The following ADAMTS9 variants were observed in gnomAD, a reference collection of about 807,000 sequenced individuals.
ADAMTS9 encodes A disintegrin and metalloproteinase with thrombospondin motifs 9.
Under a neutral mutation model 257.1 loss-of-function variants are expected in ADAMTS9, and 107 were observed. That is an observed-to-expected ratio of 0.42 (90% CI 0.36 to 0.49). The LOEUF (loss-of-function observed/expected upper bound fraction) is 0.49. ADAMTS9 is among the 20% of genes least tolerant of loss of function. The probability of loss-of-function intolerance (pLI) is 0.03; values close to 1 mark genes in which losing one functional copy is unlikely to be tolerated. For missense variants in ADAMTS9, 2,353 were observed against 2,469.1 expected (o/e 0.95, Z 1.00); for synonymous variants, 982 against 880.9 (o/e 1.11, Z -2.03).
chr3:64,519,896 T>C (rs1305230558), intron 39 of ADAMTS9, among the ~76,000 whole-genome samples: 3 of 152,030 alleles, frequency 2.0e-5, no homozygotes, highest in Non-Finnish European at 4.4e-5. Flanking sequence ...GACAAGAATG[T>C]GTACTCTCAC....
At chr3:64,574,559 C>CAAA (rs34194727) in intron 28 of ADAMTS9, among the ~76,000 whole-genome samples, 4,920 of 80,688 alleles carry the variant, frequency 0.061, 528 homozygotes, top group African/African-American at 0.18. Context: ...CCCATCTCTA[C>CAAA]AAAAAAAAAA....
intron 12 of ADAMTS9, among the ~76,000 whole-genome samples, chr3:64,640,029 T>C (rs1477148854): frequency 6.6e-6 from 1 of 152,188 alleles, no homozygotes; most frequent in Admixed American, 6.5e-5. Context: ...TGTGTCTGAA[T>C]TTTTTGAAGC....
Position 64,580,813 on chromosome 3 carries a change from G to C in ADAMTS9, c.4357-12278C>G, listed in dbSNP as rs184152766. Among the ~76,000 whole-genome samples the C allele has an allele frequency of 2.1e-3, 316 of 152,296 alleles. 3 individuals are homozygous for C. Among genetic ancestry groups the C allele is most frequent in the Middle Eastern group, 6.8e-3 (2 of 294 alleles). Reference sequence around the variant, plus strand: ...TTCAGATTCCAAGGACCCAGTCCCAGGGACTTTTATAAAGCAAAAGAGGGC... The same window carrying C: ...TTCAGATTCCAAGGACCCAGTCCCACGGACTTTTATAAAGCAAAAGAGGGC... On this transcript the variant is annotated intron_variant, in intron 28 of 39. Coordinates refer to ENST00000498707, the MANE Select transcript of ADAMTS9 (RefSeq NM_182920.2).
chr3:64,635,557 C>CAGATTCAT (rs1700475721), intron 12 of ADAMTS9, among the ~76,000 whole-genome samples: 1 of 152,162 alleles, frequency 6.6e-6, no homozygotes, highest in Non-Finnish European at 1.5e-5. Context: ...TTCATTCAAA[C>CAGATTCAT]TGGGAAATCT....
chr3:64,637,649 G>C (rs963604123), intron 12 of ADAMTS9, among the ~76,000 whole-genome samples: 1 of 152,210 alleles, frequency 6.6e-6, no homozygotes, highest in Non-Finnish European at 1.5e-5. Context: ...CGATGAATTA[G>C]GGTAGTCAGA....
chr3:64,520,686 T>A (rs1033025934), intron 39 of ADAMTS9, among the ~76,000 whole-genome samples: 4 of 151,712 alleles, frequency 2.6e-5, no homozygotes, highest in Non-Finnish European at 5.9e-5. Context: ...TCAACAAAAA[T>A]AAACAATGGG....
chr3:64,526,806 C>T (rs1271308220), intron 38 of ADAMTS9, among the ~76,000 whole-genome samples: 1 of 152,116 alleles, frequency 6.6e-6, no homozygotes, highest in Non-Finnish European at 1.5e-5. Context: ...GGAGATAATG[C>T]ATGTAATGTG....
At chr3:64,641,403 C>T (rs918953179) in intron 12 of ADAMTS9, among the ~76,000 whole-genome samples, 8 of 151,342 alleles carry the variant, frequency 5.3e-5, no homozygotes, top group Non-Finnish European at 1.2e-4. Context: ...ATGTGCCATG[C>T]TGGTGTGCTG....
At chr3:64,558,124 T>C (rs954393796) in intron 30 of ADAMTS9, among the ~76,000 whole-genome samples, 1 of 152,226 alleles carries the variant, frequency 6.6e-6, no homozygotes, top group African/African-American at 2.4e-5. Context: ...AACTCTCCAG[T>C]AAGAGGCTTG....
chr3:64,516,302 T>C lies in ADAMTS9; in HGVS notation c.*825A>G, dbSNP rs2082774106. On this transcript the variant is annotated 3_prime_UTR_variant, in exon 40 of 40. Transcript: ENST00000498707. ...ATGAAGCTGCTTGGGGGATCCTCCATTTGATTGTGGAGAGACCAAGGCACC... is the reference window on the plus strand; with the variant it reads ...ATGAAGCTGCTTGGGGGATCCTCCACTTGATTGTGGAGAGACCAAGGCACC... 1 of 152,656 alleles carries C rather than the reference T, an allele frequency of 6.6e-6. No homozygotes were observed. Among genetic ancestry groups the C allele is most frequent in the African/African-American group, 2.4e-5 (1 of 41,552 alleles). 9.5% of individuals were successfully genotyped at this position (152,656 alleles called of 1,614,324 possible). A position where few individuals can be genotyped will look rare whatever the true frequency, so the allele number is the denominator to read the frequency against.
At chr3:64,534,220 A>T (rs1316445080) in intron 37 of ADAMTS9, among the ~76,000 whole-genome samples, 1 of 152,108 alleles carries the variant, frequency 6.6e-6, no homozygotes, top group Non-Finnish European at 1.5e-5. Context: ...TGTAAGAAAA[A>T]TTCTTTCACC....
chr3:64,663,663 G>C (rs1344703133), intron 3 of ADAMTS9, among the ~76,000 whole-genome samples: 1 of 152,104 alleles, frequency 6.6e-6, no homozygotes, highest in African/African-American at 2.4e-5. Flanking sequence ...TCATGTAATT[G>C]TAATATTTCT....
intron 32 of ADAMTS9, among the ~76,000 whole-genome samples, chr3:64,542,976 C>G (rs1437793000): frequency 1.3e-5 from 2 of 152,096 alleles, no homozygotes; most frequent in African/African-American, 4.8e-5. Flanking sequence ...CATCAGAGAA[C>G]ACTATAAACA....
chr3:64,583,976 C>T (rs551766298), intron 28 of ADAMTS9: 2 of 152,162 alleles, frequency 1.3e-5, no homozygotes, highest in Admixed American at 6.6e-5. Context: ...AACTTCCTCC[C>T]TGACATTATG....
chr3:64,648,127 A>T (rs549424760), intron 10 of ADAMTS9, 83 bp from the exon 11 acceptor site: 1 of 1,214,620 alleles, frequency 8.2e-7, no homozygotes, highest in African/African-American at 1.5e-5. Flanking sequence ...CTTTCAACTA[A>T]TGTTTCACCA....
At chr3:64,604,469 T>TG (rs2084523713) in intron 23 of ADAMTS9, 138 bp from the exon 24 acceptor site, 3 of 587,568 alleles carry the variant, frequency 5.1e-6, no homozygotes, top group Non-Finnish European at 8.6e-6. Flanking sequence ...GCAAGTCACA[T>TG]GACATCTCTC....
At chr3:64,579,681 A>T (rs1156674112) in intron 28 of ADAMTS9, among the ~76,000 whole-genome samples, 2 of 152,240 alleles carry the variant, frequency 1.3e-5, no homozygotes, top group Non-Finnish European at 2.9e-5. Flanking sequence ...AAACAAGTGA[A>T]TAAATAATAT....
At chr3:64,574,648 G>C (rs1007705058) in intron 28 of ADAMTS9, among the ~76,000 whole-genome samples, 1 of 151,390 alleles carries the variant, frequency 6.6e-6, no homozygotes, top group Non-Finnish European at 1.5e-5. Context: ...TAGGAGCATT[G>C]ATTGAGCCTA....
At chr3:64,650,219 ATC>A (rs1490699477) in intron 9 of ADAMTS9, 1 of 153,488 alleles carries the variant, frequency 6.5e-6, no homozygotes, top group African/African-American at 2.4e-5. Context: ...ACCTTACACC[ATC>A]TGGTTAAAAA....
Sources: gnomAD v4.1 joint callset for allele counts (sites outside exome capture counted in the v4.1 genomes callset) on GRCh38, gnomAD v4.1.1 for gene constraint, MANE v1.5 for transcripts, NCBI Gene and HGNC (gene_info 2026-07-23, HGNC 2026-07-21) for gene names.